Variants in MAP3K20 observed in about 807,000 individuals in gnomAD.
The protein encoded by MAP3K20 is HCCS-4.
A neutral mutation model predicts 85.7 loss-of-function variants in MAP3K20; 40 were observed. The ratio of observed to expected loss-of-function variants is 0.47; its 90% CI spans 0.36 to 0.61. MAP3K20 has a LOEUF of 0.61. Among genes scored for constraint, MAP3K20 ranks in the 20% least tolerant of loss-of-function variants. The pLI is 0.00. For missense variants in MAP3K20, 817 were observed against 961.7 expected (o/e 0.85, Z 1.99); for synonymous variants, 325 against 327.7 (o/e 0.99, Z 0.09).
At chr2:173,083,506 A>G (rs1016022317) in intron 1 of MAP3K20, among the ~76,000 whole-genome samples, 1 of 152,082 alleles carries the variant, frequency 6.6e-6, no homozygotes, top group African/African-American at 2.4e-5. Flanking sequence ...GGTGTGAGCC[A>G]CTGTACCCAG....
At chr2:173,096,300 GT>G (rs1344649728) in intron 2 of MAP3K20, among the ~76,000 whole-genome samples, 3 of 151,264 alleles carry the variant, frequency 2.0e-5, no homozygotes, top group East Asian at 3.9e-4. Context: ...ATTTAAAAAA[GT>G]GTAGCTGTGG....
At chr2:173,145,113 G>T (rs1052636516) in intron 2 of MAP3K20, among the ~76,000 whole-genome samples, 1 of 152,060 alleles carries the variant, frequency 6.6e-6, no homozygotes, top group Non-Finnish European at 1.5e-5. Context: ...ATGTAAAAGC[G>T]AAAACTATAG....
intron 2 of MAP3K20, among the ~76,000 whole-genome samples, chr2:173,120,631 G>T (rs1305141601): frequency 6.6e-6 from 1 of 151,562 alleles, no homozygotes; most frequent in African/African-American, 2.4e-5. Context: ...CAGAGCTCAG[G>T]GGTACTGTGG....
At chr2:173,178,519 C>T (rs1269984968) in intron 3 of MAP3K20, among the ~76,000 whole-genome samples, 5 of 152,092 alleles carry the variant, frequency 3.3e-5, no homozygotes, top group Admixed American at 2.6e-4. Context: ...TGGCACACCC[C>T]TATAGTCCCA....
chr2:173,239,336 TATC>T, intron 15 of MAP3K20, 65 bp from the exon 16 acceptor site: 1 of 1,278,866 alleles, frequency 7.8e-7, no homozygotes, highest in East Asian at 2.5e-5. Context: ...AGTGCCAAGA[TATC>T]ATCTTCTTTA....
chr2:173,231,568 A>G (rs1289177675), intron 12 of MAP3K20, among the ~76,000 whole-genome samples: 1 of 152,172 alleles, frequency 6.6e-6, no homozygotes, highest in Non-Finnish European at 1.5e-5. Context: ...CACTTAAATA[A>G]AATTCCAGAG....
At chr2:173,148,897 A>G (rs1689215472) in intron 2 of MAP3K20, among the ~76,000 whole-genome samples, 1 of 152,072 alleles carries the variant, frequency 6.6e-6, no homozygotes, top group South Asian at 2.1e-4. Context: ...CTCTGCCTTC[A>G]CTCTGCCTCT....
At chr2:173,248,259 C>T (rs140597986) in intron 16 of MAP3K20, among the ~76,000 whole-genome samples, 220 of 152,158 alleles carry the variant, frequency 1.4e-3, no homozygotes, top group Middle Eastern at 6.8e-3. Context: ...TTCTCACGGT[C>T]AGTGAGGATG....
Position 173,266,103 on chromosome 2 carries a change from A to G in MAP3K20, c.1756A>G (p.Thr586Ala), listed in dbSNP as rs554695892. The part of the protein sequence containing the change: ...TLRMRQIASN[T>A]SLQRSQSNPI... ...GAGGATGCGGCAGATTGCATCCAAC[A>G]CTTCTTTACAGCGTTCCCAGAGCAA... The change falls in exon 20 of 20, where the codon ACT becomes GCT. Residue 586 changes from threonine (T) to alanine (A), a missense_variant. Transcript: ENST00000375213. 3.3e-5 allele frequency: 53 copies of G among 1,606,554 alleles called. No individual in the cohort carries two copies. The South Asian group carries it at 5.7e-4, about 17-fold the overall frequency.
intron 10 of MAP3K20, among the ~76,000 whole-genome samples, 167 bp from the exon 11 acceptor site, chr2:173,216,948 C>T (rs757967516): frequency 3.9e-5 from 6 of 152,166 alleles, no homozygotes; most frequent in Non-Finnish European, 7.3e-5. Context: ...CTAGAAACTA[C>T]CCTTGATATT....
chr2:173,264,635 A>G (rs2106359565), intron 19 of MAP3K20, among the ~76,000 whole-genome samples: 1 of 152,342 alleles, frequency 6.6e-6, no homozygotes, highest in Middle Eastern at 3.4e-3. Flanking sequence ...TGGAGCCAGA[A>G]TGCAGTCAAC....
In MAP3K20 at chr2:173,243,452, G is replaced by A. The variant is rs1684839672; in HGVS notation, c.1359+3956G>A. On this transcript the variant is annotated intron_variant, in intron 16 of 19. Transcript: ENST00000375213. Reference sequence around the variant, plus strand: ...TGGAATAATTTTGAGGGGACTTCACGACTCAACTCAAGCATCCTCCCTCTA... The same window carrying A: ...TGGAATAATTTTGAGGGGACTTCACAACTCAACTCAAGCATCCTCCCTCTA... Among the ~76,000 whole-genome samples, 6 of 152,120 alleles carry A rather than the reference G, an allele frequency of 3.9e-5. 1 individual carries two copies. The South Asian group carries it at 1.0e-3, about 26-fold the overall frequency.
At chr2:173,079,326 A>G (rs1173268968) in intron 1 of MAP3K20, among the ~76,000 whole-genome samples, 1 of 152,222 alleles carries the variant, frequency 6.6e-6, no homozygotes, top group African/African-American at 2.4e-5. Flanking sequence ...TTTACCATGA[A>G]TGGAGGTTGC....
At chr2:173,109,825 A>G (rs1687891935) in intron 2 of MAP3K20, among the ~76,000 whole-genome samples, 1 of 152,190 alleles carries the variant, frequency 6.6e-6, no homozygotes, top group Non-Finnish European at 1.5e-5. Context: ...AATTCTTTCA[A>G]TTCACATAGC....
chr2:173,264,625 T>G (rs1315116625), intron 19 of MAP3K20, among the ~76,000 whole-genome samples: 2 of 152,214 alleles, frequency 1.3e-5, no homozygotes, highest in African/African-American at 4.8e-5. Context: ...AGTCGATCCC[T>G]GGAGCCAGAA....
At chr2:173,199,481 T>A (rs1690963556) in intron 8 of MAP3K20, among the ~76,000 whole-genome samples, 1 of 152,216 alleles carries the variant, frequency 6.6e-6, no homozygotes, top group Admixed American at 6.5e-5. Flanking sequence ...GATATTGTCG[T>A]CATATGAGGA....
At chr2:173,147,304 A>C (rs566980026) in intron 2 of MAP3K20, among the ~76,000 whole-genome samples, 6 of 152,302 alleles carry the variant, frequency 3.9e-5, no homozygotes, top group African/African-American at 1.4e-4. Flanking sequence ...AATTTCTTTT[A>C]AGAGTTTTAT....
At chr2:173,211,525 G>C (rs1008913303) in intron 10 of MAP3K20, 1 of 152,150 alleles carries the variant, frequency 6.6e-6, no homozygotes, top group East Asian at 1.9e-4. Context: ...TGAATAACAC[G>C]TCTGCAGGGA....
intron 2 of MAP3K20, among the ~76,000 whole-genome samples, chr2:173,116,718 A>G (rs1380500440): frequency 6.6e-6 from 1 of 152,166 alleles, no homozygotes; most frequent in Non-Finnish European, 1.5e-5. Flanking sequence ...CTCTGAGCCA[A>G]CTGCAGACTT....
Sources: gnomAD v4.1 joint callset for allele counts (sites outside exome capture counted in the v4.1 genomes callset) on GRCh38, gnomAD v4.1.1 for gene constraint, MANE v1.5 for transcripts, NCBI Gene and HGNC (gene_info 2026-07-23, HGNC 2026-07-21) for gene names.